Variants in BOC observed in about 807,000 individuals in gnomAD.
The protein encoded by BOC is BOC cell adhesion associated, oncogene regulated, also known as brother of CDO.
BOC carries 76 observed loss-of-function variants against 112.0 expected under a neutral mutation model. The observed-to-expected ratio is 0.68, with a 90% CI of 0.56 to 0.82. The LOEUF (loss-of-function observed/expected upper bound fraction) is 0.82, where lower values mean the gene tolerates loss of function less well. BOC is among the 40% of genes least tolerant of loss of function. The probability of loss-of-function intolerance (pLI) is 0.00; values close to 1 mark genes in which losing one functional copy is unlikely to be tolerated. For missense variants in BOC, 1,309 were observed against 1,511.7 expected (o/e 0.87, Z 2.22); for synonymous variants, 580 against 599.8 (o/e 0.97, Z 0.48).
chr3:113,233,148 GGTGTGTGTGTGTGTGT>G (rs59444901), intron 2 of BOC, among the ~76,000 whole-genome samples: 11 of 123,960 alleles, frequency 8.9e-5, no homozygotes, highest in East Asian at 5.1e-4. Context: ...AAAGGATTGG[GGTGTGTGTGTGTGTGT>G]GTGTGTGTGT....
At chr3:113,267,605 G>T (rs770097066) in intron 4 of BOC, among the ~76,000 whole-genome samples, 2 of 152,194 alleles carry the variant, frequency 1.3e-5, no homozygotes, top group Admixed American at 6.5e-5. Context: ...AGGATCCTCC[G>T]TGAAGTGGGG....
At chr3:113,233,733 C>T (rs1226590649) in intron 2 of BOC, among the ~76,000 whole-genome samples, 5 of 152,138 alleles carry the variant, frequency 3.3e-5, no homozygotes, top group Non-Finnish European at 7.4e-5. Context: ...GTACTTGAGA[C>T]CTGCCCATCG....
chr3:113,238,783 C>T (rs1342399512), intron 2 of BOC, among the ~76,000 whole-genome samples: 1 of 152,186 alleles, frequency 6.6e-6, no homozygotes, highest in African/African-American at 2.4e-5. Context: ...CATACACACA[C>T]CTTACAGGGC....
intron 2 of BOC, among the ~76,000 whole-genome samples, chr3:113,234,169 A>T (rs924588389): frequency 2.0e-5 from 3 of 152,240 alleles, no homozygotes; most frequent in Non-Finnish European, 4.4e-5. Flanking sequence ...AGCTTAAGCG[A>T]TGCTGACACA....
chr3:113,287,112 C>T lies in BOC; in HGVS notation c.*250C>T, dbSNP rs1186879295. Reference sequence around the variant, plus strand: ...GTCACCCAGGAAAGCACCGCACAGGCTGGCGCGGGACAGACTCCTAACCTG... The same window carrying T: ...GTCACCCAGGAAAGCACCGCACAGGTTGGCGCGGGACAGACTCCTAACCTG... On this transcript the variant is annotated 3_prime_UTR_variant, in exon 20 of 20. Transcript: ENST00000682979. The T allele has an allele frequency of 9.8e-6, 5 of 511,672 alleles. No homozygotes were observed. The highest frequency in any genetic ancestry group is 1.9e-5 in the Non-Finnish European group (5 of 266,740). The allele number at this position is 511,672 out of a possible 1,614,324, so 31.7% of individuals were successfully genotyped here. A position where few individuals can be genotyped will look rare whatever the true frequency, so the allele number is the denominator to read the frequency against.
intron 15 of BOC, 76 bp from the exon 16 acceptor site, chr3:113,283,335 G>A (rs901842357): frequency 6.6e-5 from 92 of 1,388,214 alleles, no homozygotes; most frequent in Non-Finnish European, 8.7e-5. Flanking sequence ...TGGAATGGGG[G>A]TATTTTTTTT....
At chr3:113,268,928 G>T (rs1947813007) in intron 5 of BOC, among the ~76,000 whole-genome samples, 1 of 152,204 alleles carries the variant, frequency 6.6e-6, no homozygotes, top group Non-Finnish European at 1.5e-5. Context: ...GTCCTGTAGG[G>T]TCCCAAAGCA....
chr3:113,247,060 G>A (rs1945006965), intron 2 of BOC, among the ~76,000 whole-genome samples: 2 of 152,144 alleles, frequency 1.3e-5, no homozygotes, highest in South Asian at 2.1e-4. Flanking sequence ...CGTAGCCACC[G>A]TGTGTTCAGA....
chr3:113,285,802 C>T (rs1384884365), intron 19 of BOC, among the ~76,000 whole-genome samples: 1 of 152,198 alleles, frequency 6.6e-6, no homozygotes, highest in African/African-American at 2.4e-5. Context: ...AGCTGCGGTC[C>T]TCAGCCTCTG....
In BOC at chr3:113,229,339, A is replaced by G. The variant is rs78060545; in HGVS notation, c.-82+13065A>G. On this transcript the variant is annotated intron_variant, in intron 2 of 19. Coordinates refer to ENST00000682979, the MANE Select transcript of BOC (RefSeq NM_001378074.1). ...TGGAAGCTGCTGGCCTTGTTAAAGC[A>G]GTCATTGGTGGCTTCTCAGGCTTTG... Among the ~76,000 whole-genome samples, 542 of 152,296 alleles carry G rather than the reference A, an allele frequency of 3.6e-3. 4 individuals carry two copies. The highest frequency in any genetic ancestry group is 0.012 in the African/African-American group (499 of 41,554).
At chr3:113,271,116 T>C (rs766906743) in intron 6 of BOC, 172 bp downstream of exon 6, 118 of 956,948 alleles carry the variant, frequency 1.2e-4, no homozygotes, top group Admixed American at 1.8e-4. Context: ...CTCTCCCCTC[T>C]GGCCGGCCTC....
At chr3:113,222,578 G>A (rs1000976368) in intron 2 of BOC, among the ~76,000 whole-genome samples, 5 of 152,172 alleles carry the variant, frequency 3.3e-5, no homozygotes, top group African/African-American at 9.7e-5. Context: ...TGGGTGTACC[G>A]GTTGCTCCGT....
At chr3:113,214,162 AG>A (rs1463888851) in intron 1 of BOC, among the ~76,000 whole-genome samples, 1 of 152,178 alleles carries the variant, frequency 6.6e-6, no homozygotes, top group East Asian at 1.9e-4. Context: ...AAAAATAGAG[AG>A]GACTCTGCTT....
intron 2 of BOC, among the ~76,000 whole-genome samples, chr3:113,236,278 A>G: frequency 1.7e-5 from 1 of 58,530 alleles, no homozygotes; most frequent in Non-Finnish European, 3.1e-5. Flanking sequence ...ATATATACCC[A>G]TGGGTATATA....
chr3:113,252,410 G>T (rs1232909231), intron 4 of BOC, among the ~76,000 whole-genome samples: 1 of 152,114 alleles, frequency 6.6e-6, no homozygotes, highest in South Asian at 2.1e-4. Context: ...GGAGGTTGGC[G>T]GTGCTACATC....
intron 16 of BOC, 71 bp downstream of exon 16, chr3:113,283,703 C>A: frequency 7.0e-7 from 1 of 1,435,034 alleles, no homozygotes; most frequent in Non-Finnish European, 9.7e-7. Context: ...AGGCCTCTGC[C>A]TAGGTCTGTG....
chr3:113,219,701 A>G (rs565846347), intron 2 of BOC, among the ~76,000 whole-genome samples: 5 of 152,212 alleles, frequency 3.3e-5, no homozygotes, highest in African/African-American at 4.8e-5. Context: ...AAGAGACTCA[A>G]ATTTAAAACT....
At chr3:113,240,939 T>C (rs1944211000) in intron 2 of BOC, among the ~76,000 whole-genome samples, 1 of 152,146 alleles carries the variant, frequency 6.6e-6, no homozygotes, top group Non-Finnish European at 1.5e-5. Context: ...CTAATGCCCT[T>C]AGCTTGGCTG....
chr3:113,254,837 A>C (rs1308070854), intron 4 of BOC, among the ~76,000 whole-genome samples: 1 of 152,166 alleles, frequency 6.6e-6, no homozygotes, highest in African/African-American at 2.4e-5. Flanking sequence ...TCAGGGGTGG[A>C]GGGGAGGCCT....
Sources: allele counts gnomAD v4.1 joint callset (sites outside exome capture counted in the v4.1 genomes callset), GRCh38; gene constraint gnomAD v4.1.1; transcripts MANE v1.5; gene names NCBI Gene and HGNC (gene_info 2026-07-23, HGNC 2026-07-21).